The following C10orf67 variants were observed in gnomAD, a reference collection of about 807,000 sequenced individuals.
C10orf67 encodes the protein uncharacterized protein C10orf67, mitochondrial.
A neutral mutation model predicts 35.6 loss-of-function variants in C10orf67; 60 were observed. The observed-to-expected ratio is 1.68, with a 90% CI of 1.37 to 2.09. C10orf67 has a LOEUF of 2.09. Ranked by LOEUF, C10orf67 falls within the 30% of genes most tolerant of loss-of-function variation. The pLI, the probability that C10orf67 is intolerant of heterozygous loss-of-function variation, is 0.00. For synonymous variants in C10orf67, 167 were observed against 115.8 expected, an observed-to-expected ratio of 1.44 and a Z score of -2.84; for missense variants, 474 against 330.2, an observed-to-expected ratio of 1.44 and a Z score of -3.38.
chr10:23,239,026 C>A (rs1258033569), intron 13 of C10orf67, among the ~76,000 whole-genome samples: 5 of 151,954 alleles, frequency 3.3e-5, no homozygotes, highest in Admixed American at 1.3e-4. Context: ...AGATTGTATG[C>A]CTCTCGAAGC....
chr10:23,246,679 G>A (rs1564470132), intron 12 of C10orf67, among the ~76,000 whole-genome samples: 1 of 152,136 alleles, frequency 6.6e-6, no homozygotes, highest in African/African-American at 2.4e-5. Context: ...TCACTGCCTA[G>A]TAACGTCTTG....
intron 15 of C10orf67, among the ~76,000 whole-genome samples, chr10:23,222,532 A>G (rs117143200): frequency 9.4e-4 from 143 of 152,242 alleles, no homozygotes; most frequent in Non-Finnish European, 1.7e-3. Context: ...GTAAGGGTTG[A>G]AAAACTTCCT....
chr10:23,294,969 C>G (rs1013670030), intron 5 of C10orf67, among the ~76,000 whole-genome samples: 1 of 152,146 alleles, frequency 6.6e-6, no homozygotes, highest in Non-Finnish European at 1.5e-5. Flanking sequence ...TAAGCTATGA[C>G]CTGCCTTTGT....
At chr10:23,250,009 TG>T (rs1387499990) in intron 12 of C10orf67, among the ~76,000 whole-genome samples, 1 of 152,206 alleles carries the variant, frequency 6.6e-6, no homozygotes, top group African/African-American at 2.4e-5. Flanking sequence ...AGAAACAAAA[TG>T]CTTATGTGAG....
At chr10:23,226,236 T>G (rs1043679057) in intron 13 of C10orf67, among the ~76,000 whole-genome samples, 1 of 152,136 alleles carries the variant, frequency 6.6e-6, no homozygotes. Flanking sequence ...TATAACAAAC[T>G]GTCTCTCAGA....
chr10:23,281,152 T>C (rs1843352905), intron 8 of C10orf67, among the ~76,000 whole-genome samples: 1 of 152,214 alleles, frequency 6.6e-6, no homozygotes, highest in Admixed American at 6.5e-5. Flanking sequence ...GTTGGTTTCG[T>C]AGAAGGCTTT....
chr10:23,233,222 C>T (rs920950248), intron 13 of C10orf67, among the ~76,000 whole-genome samples: 3 of 152,102 alleles, frequency 2.0e-5, no homozygotes, highest in African/African-American at 7.2e-5. Context: ...ATCAGAGAGG[C>T]TCATTTTATT....
chr10:23,331,891 A>G (rs913672668), intron 2 of C10orf67, among the ~76,000 whole-genome samples: 2 of 152,182 alleles, frequency 1.3e-5, no homozygotes, highest in African/African-American at 4.8e-5. Flanking sequence ...GAAAGAATAA[A>G]ATTATAAAAT....
chr10:23,314,646 G>A (rs1844629505), intron 4 of C10orf67, among the ~76,000 whole-genome samples: 1 of 152,076 alleles, frequency 6.6e-6, no homozygotes, highest in Non-Finnish European at 1.5e-5. Flanking sequence ...AAGCACAACT[G>A]TGAAAGGATC....
intron 13 of C10orf67, among the ~76,000 whole-genome samples, chr10:23,232,232 A>C (rs892388907): frequency 2.0e-5 from 3 of 152,204 alleles, no homozygotes; most frequent in African/African-American, 7.2e-5. Context: ...ATACAAAAAA[A>C]CATGAAACAA....
intron 8 of C10orf67, among the ~76,000 whole-genome samples, chr10:23,271,663 C>T (rs546586833): frequency 5.9e-5 from 9 of 152,248 alleles, no homozygotes; most frequent in Non-Finnish European, 1.3e-4. Context: ...TTGTATCTCC[C>T]TAAAGACTAA....
At chr10:23,249,927 T>G (rs559028425) in intron 12 of C10orf67, among the ~76,000 whole-genome samples, 43 of 152,356 alleles carry the variant, frequency 2.8e-4, no homozygotes, top group Non-Finnish European at 5.1e-4. Flanking sequence ...TTTTCCAATT[T>G]GCATCGTTTT....
At chr10:23,219,046 T>C (rs1841507155) in intron 15 of C10orf67, among the ~76,000 whole-genome samples, 1 of 152,262 alleles carries the variant, frequency 6.6e-6, no homozygotes, top group Non-Finnish European at 1.5e-5. Flanking sequence ...TATTTATTTC[T>C]ATAAATCAGT....
intron 13 of C10orf67, among the ~76,000 whole-genome samples, chr10:23,233,412 C>G (rs900899165): frequency 1.3e-5 from 2 of 151,966 alleles, no homozygotes; most frequent in African/African-American, 4.8e-5. Context: ...AATACTTCCT[C>G]CAGAACAAAA....
intron 15 of C10orf67, among the ~76,000 whole-genome samples, chr10:23,210,353 G>A (rs368889777): frequency 6.6e-6 from 1 of 152,186 alleles, no homozygotes; most frequent in East Asian, 1.9e-4. Context: ...AGGACAAATA[G>A]GGATATTGTG....
chr10:23,202,700 G>T lies in C10orf67; in HGVS notation c.*1473C>A, dbSNP rs1193134546. On this transcript the variant is annotated 3_prime_UTR_variant, in exon 16 of 16. Transcript: ENST00000636213. ...AAATTTCCAATACATCCAGGGTTCT[G>T]TGGAGACCTTTATTGTGCCATTTGA... 6.6e-6 allele frequency: 1 copy of T among 152,168 alleles called. No homozygotes were observed. The highest frequency in any genetic ancestry group is 1.5e-5 in the Non-Finnish European group (1 of 68,034). The allele number at this position is 152,168 out of a possible 1,614,324, so 9.4% of individuals were successfully genotyped here. A position where few individuals can be genotyped will look rare whatever the true frequency, so the allele number is the denominator to read the frequency against.
At chr10:23,329,144 T>C (rs1348247539) in intron 2 of C10orf67, among the ~76,000 whole-genome samples, 1 of 151,708 alleles carries the variant, frequency 6.6e-6, no homozygotes, top group Non-Finnish European at 1.5e-5. Context: ...CATCCTAAAA[T>C]TGAGTGTCTG....
intron 1 of C10orf67, among the ~76,000 whole-genome samples, chr10:23,338,134 C>T (rs78936840): frequency 0.016 from 2,497 of 152,270 alleles, 22 homozygotes; most frequent in Middle Eastern, 0.037. Context: ...GTTTGTGCGG[C>T]ATCTGAATGC....
intron 12 of C10orf67, among the ~76,000 whole-genome samples, chr10:23,244,988 T>C (rs1412364102): frequency 6.6e-6 from 1 of 152,344 alleles, no homozygotes; most frequent in East Asian, 1.9e-4. Context: ...AACAGTATGA[T>C]TGTACTGACA....
Sources: gnomAD v4.1 joint callset for allele counts (sites outside exome capture counted in the v4.1 genomes callset) on GRCh38, gnomAD v4.1.1 for gene constraint, MANE v1.5 for transcripts, NCBI Gene and HGNC (gene_info 2026-07-23, HGNC 2026-07-21) for gene names.